EPB41L1: variants seen among roughly 807,000 people sequenced by gnomAD.
EPB41L1 encodes the protein band 4.1-like protein 1.
EPB41L1 carries 29 observed loss-of-function variants against 97.8 expected under a neutral mutation model. The ratio of observed to expected loss-of-function variants is 0.30; its 90% CI spans 0.22 to 0.40. The LOEUF is 0.40. Among genes scored for constraint, EPB41L1 ranks in the 10% least tolerant of loss-of-function variants. The pLI, the probability that EPB41L1 is intolerant of heterozygous loss-of-function variation, is 1.00. For synonymous variants in EPB41L1, 383 were observed against 459.2 expected (o/e 0.83, Z 2.12); for missense variants, 812 against 1,162.3 (o/e 0.70, Z 4.38).
rs1205388509 is a variant in EPB41L1 at position 36,209,088 on chromosome 20, C to A, written c.1669-400C>A. Among the ~76,000 whole-genome samples, 1 of 152,198 alleles carries A rather than the reference C, an allele frequency of 6.6e-6. No homozygotes were observed. The highest frequency in any genetic ancestry group is 1.5e-5 in the Non-Finnish European group (1 of 68,032). On this transcript the variant is annotated intron_variant, in intron 14 of 21. Coordinates refer to ENST00000338074, the MANE Select transcript of EPB41L1 (RefSeq NM_012156.2). The surrounding 1 kb of genome is among the most constrained non-coding windows in gnomAD (Gnocchi z 4.2). ...ATCCCTGGATCTCCCTCCTTAGTTT[C>A]TGTTTCTCAACGCCCACCTGCACGG...
At chr20:36,126,025 C>T (rs1028165504) in intron 2 of EPB41L1, among the ~76,000 whole-genome samples, 7 of 151,908 alleles carry the variant, frequency 4.6e-5, no homozygotes, top group African/African-American at 1.2e-4. Flanking sequence ...GGGGGGCTGA[C>T]GAGATTATAA....
rs895780566 is a variant in EPB41L1 at position 36,205,739 on chromosome 20, G to A, written c.1669-3749G>A. ...AGTTCTGGGGATGTGCTGTCCCAAA[G>A]TCAAACATTTCAGTGGTAGATTGGT... On this transcript the variant is annotated intron_variant, in intron 14 of 21. Transcript: ENST00000338074. The A allele has an allele frequency of 3.6e-5, 40 of 1,122,356 alleles. 1 individual carries two copies. The highest frequency in any genetic ancestry group is 5.8e-4 in the Middle Eastern group (2 of 3,466). 69.5% of individuals were successfully genotyped at this position (1,122,356 alleles called of 1,614,324 possible).
chr20:36,214,550 C>G, intron 17 of EPB41L1, 110 bp downstream of exon 17: 1 of 864,058 alleles, frequency 1.2e-6, no homozygotes, highest in Non-Finnish European at 1.9e-6. Flanking sequence ...GAGCTGCCCT[C>G]GCTGCATCAG....
At chr20:36,101,919 C>T (rs532970665) in intron 1 of EPB41L1, among the ~76,000 whole-genome samples, 21 of 152,098 alleles carry the variant, frequency 1.4e-4, no homozygotes, top group Non-Finnish European at 2.4e-4. Context: ...GCAGGAGAAT[C>T]GCTTGAACCT....
intron 11 of EPB41L1, among the ~76,000 whole-genome samples, chr20:36,193,179 C>T (rs948348428): frequency 3.3e-5 from 5 of 152,140 alleles, no homozygotes; most frequent in East Asian, 1.9e-4. Context: ...TGAAGCTCAT[C>T]GGAGAGGAGC....
At chr20:36,170,038 C>T (rs149012618) in intron 1 of EPB41L1, among the ~76,000 whole-genome samples, 1,869 of 152,302 alleles carry the variant, frequency 0.012, 35 homozygotes, top group African/African-American at 0.043. Flanking sequence ...GCCCACGTGA[C>T]GGGCTATGTC....
intron 2 of EPB41L1, among the ~76,000 whole-genome samples, chr20:36,126,912 G>A (rs145822084): frequency 1.3e-5 from 2 of 152,344 alleles, no homozygotes; most frequent in Non-Finnish European, 2.9e-5. Flanking sequence ...GCTGGGCTTG[G>A]CCCAGGCACC....
rs1600734037 is a variant in EPB41L1, at chr20:36,173,813, G to A, written c.36G>A (p.Lys12=). ...TTETGPDSEV[K]KAQEEAPQQP... is the part of the protein sequence containing the mutation. The stretch of plus-strand genomic sequence containing the variant: ...AGACAGGCCCCGACTCTGAGGTGAA[G>A]AAAGCTCAGGAGGAGGCCCCGCAGC... Residue 12 remains lysine, a synonymous_variant, in exon 2 of 22, where the codon AAG becomes AAA. Coordinates refer to ENST00000338074, the MANE Select transcript of EPB41L1 (RefSeq NM_012156.2). 1.9e-6 allele frequency: 3 copies of A among 1,614,196 alleles called. No individual in the cohort carries two copies. Among genetic ancestry groups the A allele is most frequent in the South Asian group, 2.2e-5 (2 of 91,078 alleles).
chr20:36,131,149 A>G (rs1452095781), intron 2 of EPB41L1, among the ~76,000 whole-genome samples: 1 of 151,764 alleles, frequency 6.6e-6, no homozygotes, highest in African/African-American at 2.4e-5. Flanking sequence ...CTAATTTTGT[A>G]TTTTTAGTAG....
At chr20:36,146,599 C>T (rs907597154) in intron 2 of EPB41L1, among the ~76,000 whole-genome samples, 6 of 152,244 alleles carry the variant, frequency 3.9e-5, no homozygotes, top group East Asian at 3.9e-4. Context: ...AGTGATGCAG[C>T]GGCTGGTCTA....
chr20:36,221,941 C>A lies in EPB41L1; in HGVS notation c.2517C>A (p.Asp839Glu), dbSNP rs754503829. Reference sequence around the variant, plus strand: ...CTGGGGATGAAGATGTCGATCAAGACCAGGTATGGGGGTAGCAACCGTTCT... The same window carrying A: ...CTGGGGATGAAGATGTCGATCAAGAACAGGTATGGGGGTAGCAACCGTTCT... ...IITGDEDVDQDQALALAIKEA... is the reference protein window; with the variant it reads ...IITGDEDVDQEQALALAIKEA... Residue 839 changes from aspartate (D) to glutamate (E), a missense_variant, in exon 20 of 22, where the codon GAC (aspartate) becomes GAA (glutamate). Asp to Glu is a conservative substitution (Grantham distance 45). Transcript: ENST00000338074. 2.5e-6 allele frequency: 4 copies of A among 1,613,992 alleles called. No homozygotes were observed. In the Admixed American group the frequency reaches 6.7e-5, roughly 27 times the overall value.
chr20:36,129,587 C>G (rs1204080453), intron 2 of EPB41L1, among the ~76,000 whole-genome samples: 1 of 152,122 alleles, frequency 6.6e-6, no homozygotes, highest in East Asian at 1.9e-4. Flanking sequence ...CACTCCCTCT[C>G]CTTGGTCTCT....
At chr20:36,185,046 G>T in intron 6 of EPB41L1, 71 bp from the exon 7 acceptor site, 1 of 1,473,302 alleles carries the variant, frequency 6.8e-7, no homozygotes, top group South Asian at 1.1e-5. Context: ...TAGTTCTGAT[G>T]GACAGCTGTG....
rs1436456047 is a variant in EPB41L1 at position 36,194,308 on chromosome 20, C to T, written c.1397C>T (p.Ser466Leu). Residue 466 changes from serine to leucine, a missense_variant, in exon 12 of 22, where the codon TCA (serine) becomes TTA (leucine). Physicochemically the swap from Ser to Leu is moderately radical, Grantham distance 145. Around this residue, in one of 3 missense-constraint regions of EPB41L1, gnomAD observed 498 missense variants for 622.7 expected, o/e 0.80. Coordinates refer to ENST00000338074, the MANE Select transcript of EPB41L1 (RefSeq NM_012156.2). ...DEDGESGGQR[S>L]EAEEGEVRTP... is the part of the protein sequence containing the mutation. ...GATGGCGAGTCTGGGGGGCAACGGT[C>T]AGAGGCTGAGGAGGGAGAGGTCAGG... is the stretch of plus-strand genomic sequence containing the variant. The T allele has an allele frequency of 6.2e-7, 1 of 1,614,098 alleles. No individual in the cohort carries two copies. Among genetic ancestry groups the T allele is most frequent in the East Asian group, 2.2e-5 (1 of 44,876 alleles).
intron 2 of EPB41L1, among the ~76,000 whole-genome samples, chr20:36,133,148 C>T (rs1225372283): frequency 6.6e-6 from 1 of 152,262 alleles, no homozygotes; most frequent in Admixed American, 6.5e-5. Flanking sequence ...GGCTGTTAGC[C>T]CAGTTGGCCT....
At position 36,162,948 on chromosome 20, in the gene EPB41L1, G is replaced by A. The variant is rs78690440; in HGVS notation, c.-15+8052G>A. 5.4e-3 allele frequency among the ~76,000 whole-genome samples: 818 copies of A among 152,288 alleles called. 7 individuals carry two copies. The highest frequency in any genetic ancestry group is 0.019 in the African/African-American group (770 of 41,548). ...TGATCCTTCTTGCCTGGCTGTGAAA[G>A]TGGCTTGAGGTCTCAGAGGCAGCTC... On this transcript the variant is annotated intron_variant, in intron 1 of 21. Transcript: ENST00000338074.
intron 1 of EPB41L1, among the ~76,000 whole-genome samples, chr20:36,160,091 A>C (rs1348770348): frequency 6.6e-6 from 1 of 152,244 alleles, no homozygotes; most frequent in African/African-American, 2.4e-5. Context: ...AAGAAGACCC[A>C]TAAGATTATC....
intron 1 of EPB41L1, among the ~76,000 whole-genome samples, chr20:36,171,509 A>G (rs1361046549): frequency 2.6e-5 from 4 of 152,170 alleles, no homozygotes; most frequent in Admixed American, 2.6e-4. Context: ...AAATAGCAGC[A>G]TCAGTAACAA....
At chr20:36,193,692 T>A (rs527460464) in intron 11 of EPB41L1, among the ~76,000 whole-genome samples, 1 of 152,366 alleles carries the variant, frequency 6.6e-6, no homozygotes, top group African/African-American at 2.4e-5. Context: ...GACTTTAGCT[T>A]TCACTAGTAA....
Sources: allele counts gnomAD v4.1 joint callset (sites outside exome capture counted in the v4.1 genomes callset), GRCh38; gene constraint gnomAD v4.1.1; regional missense constraint gnomAD v4.1.1; non-coding constraint Gnocchi (gnomAD v3.1); transcripts MANE v1.5; gene names NCBI Gene and HGNC (gene_info 2026-07-23, HGNC 2026-07-21).